Variants in RNASEH1 observed in about 807,000 individuals in gnomAD.
RNASEH1 encodes ribonuclease H type II.
A neutral mutation model predicts 34.6 loss-of-function variants in RNASEH1; 27 were observed. The observed-to-expected ratio is 0.78, with a 90% CI of 0.58 to 1.08. The LOEUF (loss-of-function observed/expected upper bound fraction) is 1.08. Among genes scored for constraint, RNASEH1 ranks in the 50% least tolerant of loss-of-function variants. The pLI is 0.00. For missense variants in RNASEH1, 349 were observed against 373.6 expected (o/e 0.93, Z 0.54); for synonymous variants, 162 against 138.4 (o/e 1.17, Z -1.20).
intron 6 of RNASEH1, 69 bp from the exon 7 acceptor site, chr2:3,548,124 C>A (rs974676502): frequency 1.4e-5 from 22 of 1,562,828 alleles, no homozygotes; most frequent in Non-Finnish European, 1.8e-5. Context: ...CTTAGTCTTA[C>A]CTCTTATAAT....
downstream of RNASEH1, among the ~76,000 whole-genome samples, chr2:3,538,568 T>G (rs894647842): frequency 1.3e-5 from 2 of 152,118 alleles, no homozygotes; most frequent in African/African-American, 2.4e-5. Flanking sequence ...CTTTCCTTTT[T>G]CCACTTAACA....
At position 3,545,554 on chromosome 2, in the gene RNASEH1, A is replaced by C; in HGVS notation, c.*231T>G. The C allele has an allele frequency of 1.8e-6, 1 of 552,544 alleles. No homozygotes were observed. Among genetic ancestry groups the C allele is most frequent in the South Asian group, 2.4e-5 (1 of 42,284 alleles). The allele number at this position is 552,544 out of a possible 1,614,324, so 34.2% of individuals were successfully genotyped here. On this transcript the variant is annotated 3_prime_UTR_variant, in exon 8 of 8. Transcript: ENST00000315212. The stretch of plus-strand genomic sequence containing the variant: ...GGACAGTATTGAACCCAGTAAACAT[A>C]ATGTGGAAATCTCACATAATTCTCC...
chr2:3,540,736 G>A (rs370121589), downstream of RNASEH1, among the ~76,000 whole-genome samples: 8 of 152,064 alleles, frequency 5.3e-5, no homozygotes, highest in African/African-American at 1.9e-4. Context: ...AAATCCCACA[G>A]ACCGTAAAGT....
intron 2 of RNASEH1, among the ~76,000 whole-genome samples, chr2:3,554,550 T>C (rs1660302248): frequency 6.6e-6 from 1 of 152,344 alleles, no homozygotes; most frequent in East Asian, 1.9e-4. Context: ...GACTTTTTGA[T>C]ACAGATCTGA....
At chr2:3,558,101 C>T in intron 1 of RNASEH1, 32 bp downstream of exon 1, 1 of 1,568,032 alleles carries the variant, frequency 6.4e-7, no homozygotes, top group Middle Eastern at 1.8e-4. Context: ...CCGATGCCGG[C>T]AGGGAGGCGC....
intron 2 of RNASEH1, among the ~76,000 whole-genome samples, chr2:3,552,608 A>T (rs923684885): frequency 9.5e-6 from 1 of 105,492 alleles, no homozygotes; most frequent in Non-Finnish European, 1.9e-5. Flanking sequence ...TCCCCTCCAC[A>T]CCACCTCCAC....
chr2:3,537,231 C>G (rs1325027315), downstream of RNASEH1, among the ~76,000 whole-genome samples: 1 of 152,190 alleles, frequency 6.6e-6, no homozygotes. Flanking sequence ...TTTCACAGAG[C>G]AGATGGGAGC....
In RNASEH1 at chr2:3,558,293, T is replaced by C; in HGVS notation, c.-33A>G. On this transcript the variant is annotated 5_prime_UTR_variant, in exon 1 of 8. Coordinates refer to ENST00000315212, the MANE Select transcript of RNASEH1 (RefSeq NM_002936.6). ...TCCCGGCACCGGGAAGCATTTCGACTCCCGGCCCAGCGTGGGCGCGAGCCG... is the reference window on the plus strand; with the variant it reads ...TCCCGGCACCGGGAAGCATTTCGACCCCCGGCCCAGCGTGGGCGCGAGCCG... 6.6e-7 allele frequency: 1 copy of C among 1,509,662 alleles called. No individual in the cohort carries two copies. The highest frequency in any genetic ancestry group is 8.8e-7 in the Non-Finnish European group (1 of 1,133,446). The allele number at this position is 1,509,662 out of a possible 1,614,324, so 93.5% of individuals were successfully genotyped here. A position where few individuals can be genotyped will look rare whatever the true frequency, so the allele number is the denominator to read the frequency against.
At position 3,543,365 on chromosome 2, in the gene RNASEH1, T is replaced by C. The variant is rs1404063224; in HGVS notation, c.*2420A>G. On this transcript the variant is annotated 3_prime_UTR_variant, in exon 8 of 8. Transcript: ENST00000315212. ...GCTAACTTGTCTAAAGTTTTTCTTT[T>C]AAGACAGGTTTGGAGCAGAAGCTCT... Among the ~76,000 whole-genome samples, 3 of 152,194 alleles carry C rather than the reference T, an allele frequency of 2.0e-5. No individual in the cohort carries two copies. Among genetic ancestry groups the C allele is most frequent in the Non-Finnish European group, 4.4e-5 (3 of 68,026 alleles).
Position 3,550,441 on chromosome 2 carries a change from G to A in RNASEH1, c.441C>T (p.Cys147=), listed in dbSNP as rs769813042. ...GDFVVVYTDG[C]CSSNGRRRPR... ...GCCTTCTACGCCCATTACTGGAGCA[G>A]CAGCCATCAGTGTAGACGACGACGA... The change falls in exon 4 of 8, where the codon TGC becomes TGT. Residue 147 remains cysteine, a synonymous_variant. Coordinates refer to ENST00000315212, the MANE Select transcript of RNASEH1 (RefSeq NM_002936.6). 79 of 1,614,050 alleles carry A rather than the reference G, an allele frequency of 4.9e-5. 1 individual carries two copies. In the Admixed American group the frequency reaches 1.2e-3, roughly 25 times the overall value.
intron 2 of RNASEH1, among the ~76,000 whole-genome samples, chr2:3,555,636 G>A (rs1030714558): frequency 6.6e-6 from 1 of 152,170 alleles, no homozygotes; most frequent in Non-Finnish European, 1.5e-5. Flanking sequence ...TCAAGATAAG[G>A]TAATTAAAAC....
chr2:3,534,448 G>A, the RNASEH1 span, among the ~76,000 whole-genome samples: 10 of 152,332 alleles, frequency 6.6e-5, no homozygotes, highest in East Asian at 9.6e-4. Flanking sequence ...GCTGTAGCAC[G>A]CCCTGCTCGC....
downstream of RNASEH1, among the ~76,000 whole-genome samples, chr2:3,536,432 T>C (rs1162248222): frequency 6.6e-6 from 1 of 152,200 alleles, no homozygotes; most frequent in Admixed American, 6.5e-5. Context: ...AGTCCCCTCG[T>C]GGACCAGGCT....
At chr2:3,532,241 T>C in the RNASEH1 span, 2 of 702,256 alleles carry the variant, frequency 2.8e-6, no homozygotes, top group Non-Finnish European at 5.2e-6. Flanking sequence ...TCTGCAAACA[T>C]TTCTCATGAC....
intron 6 of RNASEH1, among the ~76,000 whole-genome samples, chr2:3,548,314 G>C (rs186329971): frequency 2.0e-5 from 3 of 152,050 alleles, no homozygotes; most frequent in African/African-American, 4.8e-5. Context: ...CCCCAGCCTC[G>C]TAAGCATCCC....
downstream of RNASEH1, among the ~76,000 whole-genome samples, chr2:3,538,692 A>G (rs1668126089): frequency 6.6e-6 from 1 of 152,022 alleles, no homozygotes; most frequent in Non-Finnish European, 1.5e-5. Flanking sequence ...GATATTAAAA[A>G]CCTGGTCATC....
At position 3,556,803 on chromosome 2, in the gene RNASEH1, G is replaced by T. The variant is rs980124072; in HGVS notation, c.230C>A (p.Pro77Gln). ...AWAFVRKSAS[P>Q]EVSEGHENQH... ...GAGGTGACTACCTTCTGAAACTTCC[G>T]GGCTTGCAGATTTCCTGACAAAGGC... is the stretch of plus-strand genomic sequence containing the variant. The change falls in exon 2 of 8, where the codon CCG (proline) becomes CAG (glutamine). Residue 77 changes from proline to glutamine, a missense_variant. Pro to Gln is a moderately conservative substitution (Grantham distance 76, BLOSUM62 -1). Around this residue, in one of 2 missense-constraint regions of RNASEH1, gnomAD observed 256 missense variants for 240.7 expected, o/e 1.06. Transcript: ENST00000315212. 3 of 1,612,918 alleles carry T rather than the reference G, an allele frequency of 1.9e-6. No homozygotes were observed. In the African/African-American group the frequency reaches 4.0e-5, roughly 22 times the overall value.
In RNASEH1 at chr2:3,545,886, G is replaced by A. The variant is rs1353127803; in HGVS notation, c.775-15C>T. On this transcript the variant is annotated splice_polypyrimidine_tract_variant and intron_variant, in intron 7 of 7. Transcript: ENST00000315212. ...GGAACATGCATCTGTTAAGATAAAT[G>A]TTTTCCTTTTATTTTTACTCATCTT... is the stretch of plus-strand genomic sequence containing the variant. The A allele has an allele frequency of 6.3e-7, 1 of 1,585,070 alleles. No individual in the cohort carries two copies. The highest frequency in any genetic ancestry group is 1.1e-5 in the South Asian group (1 of 90,496).
downstream of RNASEH1, among the ~76,000 whole-genome samples, chr2:3,536,561 C>T (rs1667998705): frequency 6.6e-6 from 1 of 152,218 alleles, no homozygotes; most frequent in Non-Finnish European, 1.5e-5. Flanking sequence ...ACAGGCCCCA[C>T]CCCTGCTCCG....
Sources: allele counts gnomAD v4.1 joint callset (sites outside exome capture counted in the v4.1 genomes callset), GRCh38; gene constraint gnomAD v4.1.1; regional missense constraint gnomAD v4.1.1; transcripts MANE v1.5; gene names NCBI Gene and HGNC (gene_info 2026-07-23, HGNC 2026-07-21).